Variants in CSMD1 observed in about 807,000 individuals in gnomAD.
CSMD1 encodes CUB and Sushi multiple domains 1, also known as CUB and sushi domain-containing protein 1.
Under a neutral mutation model 417.5 loss-of-function variants are expected in CSMD1, and 213 were observed. The ratio of observed to expected loss-of-function variants is 0.51; its 90% CI spans 0.46 to 0.57. The LOEUF (loss-of-function observed/expected upper bound fraction) is 0.57. Ranked by LOEUF, CSMD1 falls within the 20% of genes least tolerant of loss-of-function variation. CSMD1 has a pLI of 0.00. For missense variants in CSMD1, 6,923 were observed against 4,529.7 expected (o/e 1.53, Z -15.17); for synonymous variants, 2,862 against 1,736.8 (o/e 1.65, Z -16.11).
chr8:3,914,910 T>A (rs1031600581), intron 5 of CSMD1, among the ~76,000 whole-genome samples: 1 of 152,122 alleles, frequency 6.6e-6, no homozygotes, highest in Admixed American at 6.5e-5. Flanking sequence ...AATAACTCAA[T>A]AATTACTGAT....
chr8:3,449,754 G>C (rs996959320), intron 12 of CSMD1, among the ~76,000 whole-genome samples: 18 of 152,186 alleles, frequency 1.2e-4, no homozygotes, highest in African/African-American at 4.1e-4. Flanking sequence ...TTGACCTCAG[G>C]TGATCCTCCC....
At chr8:3,884,292 G>C (rs567245325) in intron 5 of CSMD1, among the ~76,000 whole-genome samples, 18 of 152,232 alleles carry the variant, frequency 1.2e-4, no homozygotes, top group African/African-American at 4.1e-4. Flanking sequence ...GGCCACTTGT[G>C]TTTGTTATAT....
intron 1 of CSMD1, among the ~76,000 whole-genome samples, chr8:4,863,349 G>T (rs1802241968): frequency 6.6e-6 from 1 of 151,978 alleles, no homozygotes; most frequent in South Asian, 2.1e-4. Context: ...AATCATAGAA[G>T]TCCTTGGCCA....
intron 3 of CSMD1, among the ~76,000 whole-genome samples, chr8:4,198,017 G>C (rs574295596): frequency 6.6e-6 from 1 of 152,174 alleles, no homozygotes; most frequent in Admixed American, 6.5e-5. Flanking sequence ...TTAAGAGTTG[G>C]GGGCACAGAC....
At chr8:4,236,120 C>T (rs958988302) in intron 3 of CSMD1, among the ~76,000 whole-genome samples, 1 of 140,414 alleles carries the variant, frequency 7.1e-6, no homozygotes, top group Non-Finnish European at 1.5e-5. Context: ...GGGCTTCAAA[C>T]GGTGGGATAA....
intron 9 of CSMD1, among the ~76,000 whole-genome samples, chr8:3,581,929 C>T (rs1017295185): frequency 3.3e-5 from 5 of 152,100 alleles, no homozygotes; most frequent in East Asian, 1.9e-4. Context: ...CTCAGCCTCC[C>T]GAGTAGCTGG....
chr8:3,925,412 G>A (rs890999644), intron 5 of CSMD1, among the ~76,000 whole-genome samples: 1 of 152,150 alleles, frequency 6.6e-6, no homozygotes, highest in Admixed American at 6.5e-5. Context: ...AAAGCATGAT[G>A]AAAGAAATAA....
intron 1 of CSMD1, among the ~76,000 whole-genome samples, chr8:4,862,081 T>A (rs1794648893): frequency 1.3e-5 from 2 of 152,016 alleles, no homozygotes; most frequent in Non-Finnish European, 2.9e-5. Context: ...GGGAATGGCG[T>A]CTTCTGATCC....
At chr8:3,777,850 G>T (rs542204922) in intron 5 of CSMD1, among the ~76,000 whole-genome samples, 10 of 150,054 alleles carry the variant, frequency 6.7e-5, no homozygotes, top group South Asian at 2.1e-4. Context: ...GAAGTGCAGA[G>T]TCTCAGTTCC....
intron 1 of CSMD1, among the ~76,000 whole-genome samples, chr8:4,692,001 G>A (rs1806797660): frequency 6.6e-6 from 1 of 152,134 alleles, no homozygotes; most frequent in African/African-American, 2.4e-5. Flanking sequence ...CATCTTCAGT[G>A]CCCTCTTGTA....
chr8:4,533,099 C>G (rs748465101), intron 2 of CSMD1, among the ~76,000 whole-genome samples: 4 of 152,188 alleles, frequency 2.6e-5, no homozygotes, highest in African/African-American at 9.7e-5. Context: ...CTAGATACAT[C>G]ATATAAATGG....
In CSMD1 at chr8:3,260,848, G is replaced by A. The variant is rs757068368; in HGVS notation, c.4153+23296C>T. Among the ~76,000 whole-genome samples the A allele has an allele frequency of 4.7e-4, 72 of 152,260 alleles. 1 individual carries two copies. The highest frequency in any genetic ancestry group is 6.8e-3 in the Middle Eastern group (2 of 294). On this transcript the variant is annotated intron_variant, in intron 26 of 69. Coordinates refer to ENST00000635120, the MANE Select transcript of CSMD1 (RefSeq NM_033225.6). ...TGCTCTAAAAAAGACCCTGTGAAGA[G>A]GATGGAAAGACAAGCTACAGACTGG...
At chr8:2,957,667 G>C (rs1416042124) in intron 63 of CSMD1, 29 bp downstream of exon 63, 1 of 1,349,638 alleles carries the variant, frequency 7.4e-7, no homozygotes. Flanking sequence ...TAGGTGACTT[G>C]TGATGGGGGT....
At chr8:4,656,049 G>A (rs1249254916) in intron 1 of CSMD1, among the ~76,000 whole-genome samples, 2 of 152,072 alleles carry the variant, frequency 1.3e-5, no homozygotes, top group East Asian at 1.9e-4. Flanking sequence ...TAGTGTTATG[G>A]AAGAGAAGAA....
At chr8:3,467,700 C>T (rs577803429) in intron 12 of CSMD1, among the ~76,000 whole-genome samples, 1 of 151,768 alleles carries the variant, frequency 6.6e-6, no homozygotes, top group Non-Finnish European at 1.5e-5. Flanking sequence ...TTATCCCACA[C>T]AGAGAGAGAG....
At position 3,684,686 on chromosome 8, in the gene CSMD1, C is replaced by G. The variant is rs915053465; in HGVS notation, c.1009+23728G>C. ...TATCTCCGCTCACTGCTAGCTCCGC[C>G]TCGCAGGTTCACGCCATTCTCCTGC... On this transcript the variant is annotated intron_variant, in intron 7 of 69. Transcript: ENST00000635120. Among the ~76,000 whole-genome samples the G allele has an allele frequency of 2.6e-5, 4 of 151,632 alleles. No homozygotes were observed. In the East Asian group the frequency reaches 7.8e-4, roughly 30 times the overall value.
intron 7 of CSMD1, among the ~76,000 whole-genome samples, chr8:3,683,584 C>T (rs1204796310): frequency 6.6e-6 from 1 of 152,138 alleles, no homozygotes; most frequent in Non-Finnish European, 1.5e-5. Context: ...GTTTAAAGCA[C>T]TTTTTTGAAT....
At chr8:4,619,649 C>G (rs1801659350) in intron 2 of CSMD1, among the ~76,000 whole-genome samples, 1 of 152,068 alleles carries the variant, frequency 6.6e-6, no homozygotes, top group Admixed American at 6.6e-5. Flanking sequence ...CATGGGACGT[C>G]ATATTTTTAT....
intron 3 of CSMD1, among the ~76,000 whole-genome samples, chr8:4,178,236 T>C (rs10097907): frequency 0.3 from 44,894 of 151,932 alleles, 6,934 homozygotes; most frequent in South Asian, 0.42. Context: ...TCCACTATCA[T>C]CAAGTGGGCT....
Sources: allele counts gnomAD v4.1 joint callset (sites outside exome capture counted in the v4.1 genomes callset), GRCh38; gene constraint gnomAD v4.1.1; transcripts MANE v1.5; gene names NCBI Gene and HGNC (gene_info 2026-07-23, HGNC 2026-07-21).